RHOH: variants seen among roughly 807,000 people sequenced by gnomAD.
RHOH encodes the protein rho-related GTP-binding protein RhoH.
RHOH carries 6 observed loss-of-function variants against 13.8 expected under a neutral mutation model. The observed-to-expected ratio is 0.44, with a 90% CI of 0.24 to 0.86. The LOEUF is 0.86. Among genes scored for constraint, RHOH ranks in the 40% least tolerant of loss-of-function variants. The probability of loss-of-function intolerance (pLI) is 0.24; values close to 1 mark genes in which losing one functional copy is unlikely to be tolerated. For synonymous variants in RHOH, 117 were observed against 103.0 expected (o/e 1.14, Z -0.82); for missense variants, 147 against 244.5 (o/e 0.60, Z 2.66).
intron 1 of RHOH, among the ~76,000 whole-genome samples, chr4:40,203,813 G>A (rs1283309190): frequency 6.6e-6 from 1 of 152,088 alleles, no homozygotes; most frequent in East Asian, 1.9e-4. Context: ...GTGACTAGGG[G>A]AACTATGAGC....
chr4:40,219,140 G>A (rs941638419), intron 1 of RHOH, among the ~76,000 whole-genome samples: 20 of 152,136 alleles, frequency 1.3e-4, no homozygotes, highest in East Asian at 3.9e-4. Context: ...GGCTGGGCGC[G>A]GTGGCTCACG....
At chr4:40,241,062 C>T (rs1729188021) in intron 1 of RHOH, among the ~76,000 whole-genome samples, 1 of 152,082 alleles carries the variant, frequency 6.6e-6, no homozygotes, top group African/African-American at 2.4e-5. Flanking sequence ...GAGGTCTTGG[C>T]TCTGGACTAA....
chr4:40,202,020 C>T (rs945885834), intron 1 of RHOH, among the ~76,000 whole-genome samples: 1 of 144,416 alleles, frequency 6.9e-6, no homozygotes, highest in Non-Finnish European at 1.5e-5. Context: ...TGTGTAATCA[C>T]AGCTCACTCA....
rs1280682850 is a variant in RHOH at position 40,243,160 on chromosome 4, C to T, written c.-209-18C>T. On this transcript the variant is annotated intron_variant, in intron 2 of 2. Coordinates refer to ENST00000381799, the MANE Select transcript of RHOH (RefSeq NM_004310.5). The surrounding 1 kb of genome is among the most constrained non-coding windows in gnomAD (Gnocchi z 6.2). ...AAGAAAGAAAGACTTCATTTTCCCC[C>T]TTCTCTTTCTGTTCCAGTTGAAGAC... 4.6e-6 allele frequency: 2 copies of T among 436,294 alleles called. No individual in the cohort carries two copies. Among genetic ancestry groups the T allele is most frequent in the Non-Finnish European group, 8.2e-6 (2 of 244,866 alleles). The allele number at this position is 436,294 out of a possible 1,614,324, so 27.0% of individuals were successfully genotyped here. A position where few individuals can be genotyped will look rare whatever the true frequency, so the allele number is the denominator to read the frequency against.
chr4:40,227,122 A>C (rs1219019782), intron 1 of RHOH, among the ~76,000 whole-genome samples: 1 of 152,202 alleles, frequency 6.6e-6, no homozygotes, highest in African/African-American at 2.4e-5. Context: ...TCGCCACTGC[A>C]CTCCAGCCTG....
intron 1 of RHOH, among the ~76,000 whole-genome samples, chr4:40,239,590 C>G (rs1560286645): frequency 6.6e-6 from 1 of 152,136 alleles, no homozygotes; most frequent in Non-Finnish European, 1.5e-5. Flanking sequence ...AAGAATTTTG[C>G]ACTCTAGGCC....
At chr4:40,204,275 C>T (rs1329502315) in intron 1 of RHOH, among the ~76,000 whole-genome samples, 2 of 152,196 alleles carry the variant, frequency 1.3e-5, no homozygotes, top group African/African-American at 2.4e-5. Flanking sequence ...TCTCTTGAGA[C>T]ATGATGTGGT....
intron 1 of RHOH, among the ~76,000 whole-genome samples, chr4:40,231,391 A>G (rs540121603): frequency 6.6e-6 from 1 of 151,494 alleles, no homozygotes; most frequent in East Asian, 2.0e-4. Context: ...TTCATGTCAA[A>G]GCTCATGGGA....
intron 1 of RHOH, among the ~76,000 whole-genome samples, chr4:40,233,794 A>T (rs1338536986): frequency 6.6e-6 from 1 of 152,012 alleles, no homozygotes; most frequent in Non-Finnish European, 1.5e-5. Context: ...AAAAATGTAA[A>T]AACCACCTGT....
chr4:40,199,535 C>G (rs181669830), intron 1 of RHOH, among the ~76,000 whole-genome samples: 1 of 152,190 alleles, frequency 6.6e-6, no homozygotes, highest in African/African-American at 2.4e-5. Context: ...GTTTCTCTAG[C>G]TTATGAGATG....
At chr4:40,230,334 G>A (rs972684151) in intron 1 of RHOH, among the ~76,000 whole-genome samples, 24 of 151,552 alleles carry the variant, frequency 1.6e-4, no homozygotes, top group Admixed American at 7.9e-4. Context: ...CATGGCACCC[G>A]GCCTGGACTT....
upstream of RHOH, among the ~76,000 whole-genome samples, chr4:40,193,479 C>CGAGAGAGAGCGAGAGAGAGAGAGA (rs1722819747): frequency 1.1e-5 from 1 of 88,664 alleles, no homozygotes; most frequent in Non-Finnish European, 2.1e-5. Context: ...AGAATGAGAG[C>CGAGAGAGAGCGAGAGAGAGAGAGA]GAGAGAGAGA....
intron 1 of RHOH, among the ~76,000 whole-genome samples, chr4:40,207,171 A>C (rs1470164636): frequency 1.3e-5 from 2 of 150,788 alleles, no homozygotes; most frequent in Non-Finnish European, 2.9e-5. Flanking sequence ...GTGCCACTGC[A>C]CTCCGGCCCA....
chr4:40,207,649 T>G (rs941247486), intron 1 of RHOH, among the ~76,000 whole-genome samples: 4 of 152,204 alleles, frequency 2.6e-5, no homozygotes, highest in African/African-American at 9.6e-5. Context: ...CAGCAGGGGC[T>G]AGATGCTTGT....
chr4:40,210,699 C>T (rs999130498), intron 1 of RHOH, among the ~76,000 whole-genome samples: 24 of 151,778 alleles, frequency 1.6e-4, no homozygotes, highest in Non-Finnish European at 3.2e-4. Context: ...TGTGGTGGGG[C>T]GTAGATGGGG....
chr4:40,243,857 G>A lies in RHOH; in HGVS notation c.471G>A (p.Arg157=). The part of the protein sequence containing the change: ...GYLECSALSN[R]GVQQVFECAV... ...TGGAGTGCTCAGCCCTTAGCAATCGGGGAGTACAGCAGGTGTTTGAGTGCG... is the reference window on the plus strand; with the variant it reads ...TGGAGTGCTCAGCCCTTAGCAATCGAGGAGTACAGCAGGTGTTTGAGTGCG... Residue 157 remains arginine, a synonymous_variant, in exon 3 of 3, where the codon CGG becomes CGA. Coordinates refer to ENST00000381799, the MANE Select transcript of RHOH (RefSeq NM_004310.5). The surrounding 1 kb of genome is among the most constrained non-coding windows in gnomAD (Gnocchi z 6.2). 6.2e-7 allele frequency: 1 copy of A among 1,614,188 alleles called. No individual in the cohort carries two copies. Among genetic ancestry groups the A allele is most frequent in the Non-Finnish European group, 8.5e-7 (1 of 1,180,026 alleles).
intron 1 of RHOH, among the ~76,000 whole-genome samples, chr4:40,210,198 C>T (rs959513229): frequency 3.9e-5 from 6 of 151,996 alleles, no homozygotes; most frequent in South Asian, 4.1e-4. Flanking sequence ...GTAATGAACC[C>T]AGCTGATCAA....
At chr4:40,241,937 A>T (rs977032243) in intron 1 of RHOH, among the ~76,000 whole-genome samples, 4 of 152,220 alleles carry the variant, frequency 2.6e-5, no homozygotes, top group Non-Finnish European at 4.4e-5. Context: ...GAATGCCAGG[A>T]TTTAGAGAAG....
intron 1 of RHOH, among the ~76,000 whole-genome samples, chr4:40,234,377 G>C (rs943763309): frequency 6.6e-6 from 1 of 152,164 alleles, no homozygotes; most frequent in South Asian, 2.1e-4. Flanking sequence ...TGCTCTGGGT[G>C]GTTGCCTAGC....
Sources: allele counts gnomAD v4.1 joint callset (sites outside exome capture counted in the v4.1 genomes callset), GRCh38; gene constraint gnomAD v4.1.1; non-coding constraint Gnocchi (gnomAD v3.1); transcripts MANE v1.5; gene names NCBI Gene and HGNC (gene_info 2026-07-23, HGNC 2026-07-21).